ENPP2: variants seen among roughly 807,000 people sequenced by gnomAD.
ENPP2 encodes autotaxin.
In ENPP2, 51 loss-of-function variants were observed where a neutral mutation model predicts 120.2. The ratio of observed to expected loss-of-function variants is 0.42; its 90% CI spans 0.34 to 0.54. ENPP2 has a LOEUF of 0.54. Among genes scored for constraint, ENPP2 ranks in the 20% least tolerant of loss-of-function variants. The probability of loss-of-function intolerance (pLI) is 0.04; values close to 1 mark genes in which losing one functional copy is unlikely to be tolerated. For missense variants in ENPP2, 920 were observed against 1,066.5 expected, an observed-to-expected ratio of 0.86 and a Z score of 1.91; for synonymous variants, 365 against 366.4, an observed-to-expected ratio of 1.00 and a Z score of 0.04.
At chr8:119,654,061 T>C (rs1320268572) in intron 1 of ENPP2, among the ~76,000 whole-genome samples, 1 of 145,272 alleles carries the variant, frequency 6.9e-6, no homozygotes, top group Non-Finnish European at 1.5e-5. Flanking sequence ...TAGAGAGACA[T>C]ATTATATATT....
At chr8:119,648,241 A>C (rs963067156) in intron 1 of ENPP2, among the ~76,000 whole-genome samples, 6 of 152,230 alleles carry the variant, frequency 3.9e-5, no homozygotes, top group Non-Finnish European at 8.8e-5. Context: ...TAAGAGAGCA[A>C]GGTCTGTGTC....
chr8:119,658,253 G>A (rs1221187917), intron 1 of ENPP2, among the ~76,000 whole-genome samples: 1 of 152,154 alleles, frequency 6.6e-6, no homozygotes, highest in African/African-American at 2.4e-5. Flanking sequence ...CCTGTGTAAT[G>A]GTAGGGACTG....
At chr8:119,620,522 T>C (rs6469834) in intron 4 of ENPP2, among the ~76,000 whole-genome samples, 5,045 of 152,342 alleles carry the variant, frequency 0.033, 247 homozygotes, top group African/African-American at 0.11. Context: ...AATCTTTTAA[T>C]GAACTTCTTC....
Position 119,621,575 on chromosome 8 carries a change from G to A in ENPP2, c.293-56C>T, listed in dbSNP as rs1815899990. The A allele has an allele frequency of 3.2e-6, 5 of 1,570,906 alleles. No individual in the cohort carries two copies. In the Admixed American group the frequency reaches 8.4e-5, roughly 27 times the overall value. ...GCTGCACACTAACCAAATGAAAGAA[G>A]CCACAATTGCTTACAGGATTTCCAA... On this transcript the variant is annotated intron_variant, in intron 3 of 24. Transcript: ENST00000075322.
chr8:119,631,438 G>A (rs187825643), intron 2 of ENPP2, among the ~76,000 whole-genome samples: 216 of 151,390 alleles, frequency 1.4e-3, no homozygotes, highest in African/African-American at 5.0e-3. Flanking sequence ...GGATGGTCTC[G>A]ATCTCCTGAC....
chr8:119,652,849 G>A (rs1056752961), intron 1 of ENPP2, among the ~76,000 whole-genome samples: 1 of 152,172 alleles, frequency 6.6e-6, no homozygotes, highest in Non-Finnish European at 1.5e-5. Context: ...TAAGATCTGA[G>A]CGAGACAGCC....
intron 3 of ENPP2, among the ~76,000 whole-genome samples, chr8:119,625,592 A>G (rs901749686): frequency 6.6e-6 from 1 of 152,224 alleles, no homozygotes; most frequent in Non-Finnish European, 1.5e-5. Context: ...TAAAAGTCCA[A>G]AAACAAGAAA....
chr8:119,630,322 G>A (rs575545898), intron 2 of ENPP2, among the ~76,000 whole-genome samples: 1 of 152,158 alleles, frequency 6.6e-6, no homozygotes, highest in Non-Finnish European at 1.5e-5. Context: ...TGGTCAGGCT[G>A]GTCTTTAACT....
intron 19 of ENPP2, among the ~76,000 whole-genome samples, chr8:119,576,728 A>G (rs540084060): frequency 7.2e-5 from 11 of 152,306 alleles, no homozygotes; most frequent in African/African-American, 2.4e-4. Flanking sequence ...TAATTCATCC[A>G]TCAATTCAAT....
intron 11 of ENPP2, among the ~76,000 whole-genome samples, chr8:119,596,635 A>G (rs1410841006): frequency 6.6e-6 from 1 of 152,224 alleles, no homozygotes; most frequent in African/African-American, 2.4e-5. Context: ...TTTCAGCAGG[A>G]GAGAGAACTC....
chr8:119,603,239 T>C (rs1219802136), intron 9 of ENPP2, among the ~76,000 whole-genome samples: 1 of 147,542 alleles, frequency 6.8e-6, no homozygotes, highest in African/African-American at 2.5e-5. Context: ...AAAAAAAAAG[T>C]GAATGCCAGA....
intron 8 of ENPP2, among the ~76,000 whole-genome samples, chr8:119,613,994 GT>G (rs1448949128): frequency 7.0e-6 from 1 of 143,766 alleles, no homozygotes; most frequent in Non-Finnish European, 1.5e-5. Flanking sequence ...TTGTCTATAT[GT>G]TTTTCCAATA....
At chr8:119,633,093 G>C (rs757335805) in intron 2 of ENPP2, among the ~76,000 whole-genome samples, 3 of 152,172 alleles carry the variant, frequency 2.0e-5, no homozygotes, top group Non-Finnish European at 4.4e-5. Flanking sequence ...AGTGCCATCT[G>C]TTCCATAAGA....
intron 9 of ENPP2, among the ~76,000 whole-genome samples, chr8:119,606,617 AAAAG>A (rs1234192177): frequency 2.6e-5 from 4 of 152,086 alleles, no homozygotes; most frequent in African/African-American, 2.4e-5. Context: ...AAAAAAAAAA[AAAAG>A]AAAGAAAGAA....
intron 8 of ENPP2, among the ~76,000 whole-genome samples, chr8:119,613,171 G>C (rs985666005): frequency 6.6e-6 from 1 of 152,080 alleles, no homozygotes; most frequent in African/African-American, 2.4e-5. Flanking sequence ...CCCACTTAAG[G>C]AACTCCATTA....
At chr8:119,663,250 G>A (rs368665663) in intron 1 of ENPP2, among the ~76,000 whole-genome samples, 2 of 152,172 alleles carry the variant, frequency 1.3e-5, no homozygotes, top group East Asian at 1.9e-4. Flanking sequence ...AACCAAACTC[G>A]AGGAAATTTA....
rs776674306 is a variant in ENPP2 at position 119,638,405 on chromosome 8, C to T, written c.136+20G>A. The stretch of plus-strand genomic sequence containing the variant: ...TAATATTTTTAAAAAATTGAAAATG[C>T]AAATAGTTTTGACACTTACCTGTAG... On this transcript the variant is annotated intron_variant, in intron 2 of 24. Transcript: ENST00000075322. The T allele has an allele frequency of 1.6e-6, 2 of 1,262,968 alleles. No homozygotes were observed. Among genetic ancestry groups the T allele is most frequent in the South Asian group, 2.4e-5 (2 of 83,092 alleles). 78.2% of individuals were successfully genotyped at this position (1,262,968 alleles called of 1,614,324 possible).
chr8:119,591,119 C>T (rs1461161141), intron 12 of ENPP2, among the ~76,000 whole-genome samples: 3 of 151,372 alleles, frequency 2.0e-5, no homozygotes, highest in Admixed American at 2.0e-4. Flanking sequence ...TCTAATATAT[C>T]TCCTGTCTTG....
intron 23 of ENPP2, 57 bp downstream of exon 23, chr8:119,564,766 C>A (rs902904629): frequency 8.4e-5 from 129 of 1,536,098 alleles, no homozygotes; most frequent in Non-Finnish European, 1.1e-4. Context: ...TGAAAAACTT[C>A]TTGAGTGAGA....
Sources: gnomAD v4.1 joint callset for allele counts (sites outside exome capture counted in the v4.1 genomes callset) on GRCh38, gnomAD v4.1.1 for gene constraint, MANE v1.5 for transcripts, NCBI Gene and HGNC (gene_info 2026-07-23, HGNC 2026-07-21) for gene names.